IQSEC1: variants seen among roughly 807,000 people sequenced by gnomAD.
The protein encoded by IQSEC1 is IQ motif and Sec7 domain ArfGEF 1.
Under a neutral mutation model 91.0 loss-of-function variants are expected in IQSEC1, and 31 were observed. The ratio of observed to expected loss-of-function variants is 0.34; its 90% CI spans 0.26 to 0.46. The LOEUF is 0.46. Ranked by LOEUF, IQSEC1 falls within the 20% of genes least tolerant of loss-of-function variation. The pLI is 1.00. For synonymous variants in IQSEC1, 699 were observed against 662.6 expected, an observed-to-expected ratio of 1.05 and a Z score of -0.84; for missense variants, 1,388 against 1,575.6, an observed-to-expected ratio of 0.88 and a Z score of 2.02.
chr3:13,223,339 C>T (rs1694695154), intron 1 of IQSEC1, among the ~76,000 whole-genome samples: 1 of 152,202 alleles, frequency 6.6e-6, no homozygotes, highest in Non-Finnish European at 1.5e-5. Flanking sequence ...GGAGATCTTC[C>T]AGATTGCAGG....
At chr3:13,281,767 C>T (rs988914785) in intron 1 of IQSEC1, among the ~76,000 whole-genome samples, 2 of 152,240 alleles carry the variant, frequency 1.3e-5, no homozygotes, top group African/African-American at 4.8e-5. Context: ...CTGACCACGG[C>T]CACTCCCCCA....
At chr3:12,950,676 T>G (rs1304555836) in intron 1 of IQSEC1, among the ~76,000 whole-genome samples, 1 of 150,658 alleles carries the variant, frequency 6.6e-6, no homozygotes, top group Non-Finnish European at 1.5e-5. Context: ...GGAGTCTCAC[T>G]CTGTTGCCCA....
chr3:13,143,441 T>C (rs1706834262), intron 2 of IQSEC1, among the ~76,000 whole-genome samples: 1 of 152,094 alleles, frequency 6.6e-6, no homozygotes, highest in African/African-American at 2.4e-5. Context: ...AGTATGCACA[T>C]CCAGGAAGTG....
At chr3:13,060,975 A>G (rs1052417173) in intron 1 of IQSEC1, among the ~76,000 whole-genome samples, 3 of 152,190 alleles carry the variant, frequency 2.0e-5, no homozygotes, top group Non-Finnish European at 4.4e-5. Context: ...CGAGCCCTGC[A>G]CTGCCTCCAG....
At chr3:13,046,142 G>A (rs776617918) in intron 1 of IQSEC1, among the ~76,000 whole-genome samples, 9 of 152,306 alleles carry the variant, frequency 5.9e-5, no homozygotes, top group Non-Finnish European at 1.0e-4. Context: ...CTCTGCCCCC[G>A]CAGTCTCGAA....
intron 1 of IQSEC1, among the ~76,000 whole-genome samples, chr3:12,965,162 TAAG>T (rs1389383879): frequency 2.6e-5 from 4 of 152,070 alleles, no homozygotes; most frequent in Admixed American, 1.3e-4. Context: ...AAAACGAGGA[TAAG>T]AAGAGTCCTG....
chr3:13,247,642 C>T (rs911397467), intron 1 of IQSEC1, among the ~76,000 whole-genome samples: 4 of 152,232 alleles, frequency 2.6e-5, no homozygotes, highest in Non-Finnish European at 4.4e-5. Flanking sequence ...ATCAGAATCA[C>T]TTACAGTCTC....
chr3:13,070,090 C>CGGGGGGGGGGGGGGGG (rs1705364514), intron 1 of IQSEC1, among the ~76,000 whole-genome samples: 1 of 111,812 alleles, frequency 8.9e-6, no homozygotes. Context: ...GGAGTGAGGA[C>CGGGGGGGGGGGGGGGG]AGTGGGGTGG....
chr3:13,011,356 A>T (rs1702875529), intron 1 of IQSEC1, among the ~76,000 whole-genome samples: 2 of 152,222 alleles, frequency 1.3e-5, no homozygotes, highest in Admixed American at 1.3e-4. Flanking sequence ...CTTGGGGATA[A>T]TCATCACTGA....
At chr3:13,230,342 C>G (rs1433433571) in intron 1 of IQSEC1, among the ~76,000 whole-genome samples, 2 of 152,170 alleles carry the variant, frequency 1.3e-5, no homozygotes, top group Non-Finnish European at 2.9e-5. Flanking sequence ...TGTTCGATGA[C>G]AGGAATGAGC....
rs184427480 is a variant in IQSEC1 at position 13,180,922 on chromosome 3, G to A, written c.273-16789C>T. Among the ~76,000 whole-genome samples the A allele has an allele frequency of 2.6e-3, 389 of 152,178 alleles. 1 individual carries two copies. Among genetic ancestry groups the A allele is most frequent in the Non-Finnish European group, 3.5e-3 (238 of 68,018 alleles). On this transcript the variant is annotated intron_variant, in intron 1 of 15. Transcript: ENST00000648114. ...CCTGTAACACTCACCACGAGGGTCCGCGGCTTCATTCTTGAAGTCAGTGAG... is the reference window on the plus strand; with the variant it reads ...CCTGTAACACTCACCACGAGGGTCCACGGCTTCATTCTTGAAGTCAGTGAG...
chr3:13,197,327 G>A (rs75002007), intron 1 of IQSEC1, among the ~76,000 whole-genome samples: 1,762 of 152,352 alleles, frequency 0.012, 16 homozygotes, highest in Non-Finnish European at 0.02. Flanking sequence ...AACGGCAGAT[G>A]CATGGCCAGG....
chr3:13,072,899 C>G (rs983516172), intron 1 of IQSEC1, 93 bp downstream of exon 1: 1 of 1,147,878 alleles, frequency 8.7e-7, no homozygotes. Context: ...ATCCACCTGC[C>G]CCTCCCCCAA....
At chr3:13,205,108 G>A (rs1326041606) in intron 1 of IQSEC1, among the ~76,000 whole-genome samples, 1 of 151,998 alleles carries the variant, frequency 6.6e-6, no homozygotes, top group Admixed American at 6.5e-5. Context: ...CGTGCTGTCC[G>A]TTTTCTACAG....
At chr3:13,129,749 C>T (rs1461448290) in intron 2 of IQSEC1, among the ~76,000 whole-genome samples, 2 of 150,738 alleles carry the variant, frequency 1.3e-5, no homozygotes, top group Non-Finnish European at 2.9e-5. Context: ...GCTCCGCCTC[C>T]CGGATTCATG....
At chr3:13,006,363 G>A (rs535011649) in intron 1 of IQSEC1, among the ~76,000 whole-genome samples, 11 of 152,284 alleles carry the variant, frequency 7.2e-5, no homozygotes, top group Admixed American at 2.0e-4. Context: ...AAGGGACCCC[G>A]GTGTGAGAGG....
chr3:13,240,806 G>C (rs1695009467), intron 1 of IQSEC1, among the ~76,000 whole-genome samples: 1 of 152,226 alleles, frequency 6.6e-6, no homozygotes, highest in African/African-American at 2.4e-5. Context: ...AGTTGCGGCA[G>C]GCAGAGGAGA....
chr3:13,042,888 G>A (rs1012466814), intron 1 of IQSEC1, among the ~76,000 whole-genome samples: 1 of 152,186 alleles, frequency 6.6e-6, no homozygotes, highest in Non-Finnish European at 1.5e-5. Flanking sequence ...GAGGGGGCCA[G>A]ATGACAGGCA....
chr3:13,241,256 G>A (rs1174556355), intron 1 of IQSEC1, among the ~76,000 whole-genome samples: 1 of 152,212 alleles, frequency 6.6e-6, no homozygotes, highest in Non-Finnish European at 1.5e-5. Flanking sequence ...ACCTTGTTAT[G>A]CAAACAGGCC....
Sources: gnomAD v4.1 joint callset for allele counts (sites outside exome capture counted in the v4.1 genomes callset) on GRCh38, gnomAD v4.1.1 for gene constraint, MANE v1.5 for transcripts, NCBI Gene and HGNC (gene_info 2026-07-23, HGNC 2026-07-21) for gene names.